PRICKLE1: variants seen among roughly 807,000 people sequenced by gnomAD.
PRICKLE1 encodes the protein prickle planar cell polarity protein 1.
A neutral mutation model predicts 70.2 loss-of-function variants in PRICKLE1; 14 were observed. The observed-to-expected ratio is 0.20, with a 90% confidence interval of 0.13 to 0.31. The LOEUF is 0.31. Among genes scored for constraint, PRICKLE1 ranks in the 10% least tolerant of loss-of-function variants. The pLI is 1.00. For missense variants in PRICKLE1, 821 were observed against 1,026.2 expected (o/e 0.80, Z 2.73); for synonymous variants, 357 against 379.9 (o/e 0.94, Z 0.70).
chr12:42,528,291 C>T lies in PRICKLE1; in HGVS notation c.-48-55727G>A, dbSNP rs368583441. On this transcript the variant is annotated intron_variant, in intron 1 of 7. Coordinates refer to ENST00000345127, the MANE Select transcript of PRICKLE1 (RefSeq NM_153026.3). ...GTTTCATCATGTTGCCCAGACTGCT[C>T]TCGAACTCCTGGGCTCAAGTGATCC... 1.4e-4 allele frequency among the ~76,000 whole-genome samples: 21 copies of T among 152,182 alleles called. No homozygotes were observed. In the South Asian group the frequency reaches 4.4e-3, roughly 32 times the overall value.
chr12:42,533,864 C>G (rs1288518176), intron 1 of PRICKLE1, among the ~76,000 whole-genome samples: 1 of 152,158 alleles, frequency 6.6e-6, no homozygotes, highest in African/African-American at 2.4e-5. Flanking sequence ...TCCCCTCCCA[C>G]ACAAAAACGC....
intron 1 of PRICKLE1, among the ~76,000 whole-genome samples, chr12:42,566,020 TG>T (rs1940615669): frequency 1.3e-5 from 2 of 152,172 alleles, no homozygotes; most frequent in African/African-American, 4.8e-5. Flanking sequence ...TGTGGCGAGA[TG>T]GTCAAAGGCC....
chr12:42,485,069 C>T (rs1465445746), intron 1 of PRICKLE1, among the ~76,000 whole-genome samples: 1 of 151,680 alleles, frequency 6.6e-6, no homozygotes, highest in Non-Finnish European at 1.5e-5. Context: ...CATCAGGATT[C>T]CTTGGGATTG....
chr12:42,543,878 C>T (rs1055222552), intron 1 of PRICKLE1, among the ~76,000 whole-genome samples: 1 of 152,140 alleles, frequency 6.6e-6, no homozygotes, highest in Admixed American at 6.5e-5. Flanking sequence ...TCACTGATAA[C>T]GTAGTTGATT....
At chr12:42,483,363 C>G (rs1377816833) in intron 1 of PRICKLE1, 1 of 149,094 alleles carries the variant, frequency 6.7e-6, no homozygotes, top group Non-Finnish European at 1.5e-5. Flanking sequence ...GGGACCCAGA[C>G]AGCGGCTCCC....
chr12:42,506,817 C>A (rs931250465), intron 1 of PRICKLE1, among the ~76,000 whole-genome samples: 1 of 152,026 alleles, frequency 6.6e-6, no homozygotes, highest in South Asian at 2.1e-4. Flanking sequence ...GTGATCTACC[C>A]GCCTCGACCT....
rs750904030 is a variant in PRICKLE1, at chr12:42,460,224, T to C, written c.2081A>G (p.Lys694Arg). 12 of 1,614,040 alleles carry C rather than the reference T, an allele frequency of 7.4e-6. No homozygotes were observed. The African/African-American group carries it at 1.6e-4, about 22-fold the overall frequency. ...CCGCAGTCTGTCCTTGGGAGAGTAT[T>C]TTCTTTCTGTAACAAGATTCAGGGC... The part of the protein sequence containing the change: ...DNALNLVTER[K>R]YSPKDRLRLY... The change falls in exon 8 of 8, where the codon AAA (lysine) becomes AGA (arginine). Residue 694 changes from lysine to arginine, a missense_variant. By Grantham distance (26) the Lys-to-Arg change is conservative (BLOSUM62 2). Transcript: ENST00000345127.
At chr12:42,560,151 T>TA (rs1940486789) in intron 1 of PRICKLE1, among the ~76,000 whole-genome samples, 2 of 143,496 alleles carry the variant, frequency 1.4e-5, no homozygotes, top group African/African-American at 2.6e-5. Flanking sequence ...TTATTATTAT[T>TA]TTTGAGGCAG....
intron 1 of PRICKLE1, among the ~76,000 whole-genome samples, chr12:42,501,379 G>T (rs529399646): frequency 6.6e-6 from 1 of 151,770 alleles, no homozygotes; most frequent in Non-Finnish European, 1.5e-5. Flanking sequence ...GCATGGAGGC[G>T]CGTGCCTGTA....
chr12:42,570,312 G>T (rs1940686564), intron 1 of PRICKLE1, among the ~76,000 whole-genome samples: 1 of 152,176 alleles, frequency 6.6e-6, no homozygotes, highest in East Asian at 1.9e-4. Context: ...AGCTGAACTG[G>T]TTTTAGATAA....
At position 42,483,211 on chromosome 12, in the gene PRICKLE1, C is replaced by G. The variant is rs991187189; in HGVS notation, c.-48-10647G>C. On this transcript the variant is annotated intron_variant, in intron 1 of 7. Transcript: ENST00000345127. ...GCCGTGTCACCTCCACGGAGCAGCA[C>G]TCGCCCTGCGGCTGGACGGTGGGGC... 3 of 152,548 alleles carry G rather than the reference C, an allele frequency of 2.0e-5. No individual in the cohort carries two copies. In the East Asian group the frequency reaches 5.8e-4, roughly 29 times the overall value. 9.4% of individuals were successfully genotyped at this position (152,548 alleles called of 1,614,324 possible).
At chr12:42,579,238 T>C (rs1244990049) in intron 1 of PRICKLE1, among the ~76,000 whole-genome samples, 14 of 152,222 alleles carry the variant, frequency 9.2e-5, no homozygotes, top group Non-Finnish European at 2.9e-5. Flanking sequence ...GGGATGCTGC[T>C]ATTTTTTACA....
chr12:42,589,675 T>C lies in PRICKLE1; in HGVS notation c.-259A>G, dbSNP rs1941048101. The stretch of plus-strand genomic sequence containing the variant: ...CAGCGCAGGCTGCGCGAGGCTGGCA[T>C]GTTCCGGGCGCGCTGTCGGGCGGCG... On this transcript the variant is annotated 5_prime_UTR_variant, in exon 1 of 8. An upstream start codon of the reference 5' UTR is lost. Transcript: ENST00000345127. The surrounding 1 kb of genome is among the most constrained non-coding windows in gnomAD (Gnocchi z 5.0). 1 of 151,704 alleles carries C rather than the reference T, an allele frequency of 6.6e-6. No individual in the cohort carries two copies. The highest frequency in any genetic ancestry group is 2.4e-5 in the African/African-American group (1 of 41,324). The allele number at this position is 151,704 out of a possible 1,614,324, so 9.4% of individuals were successfully genotyped here.
intron 1 of PRICKLE1, among the ~76,000 whole-genome samples, chr12:42,582,430 C>T (rs953505603): frequency 6.6e-6 from 1 of 152,200 alleles, no homozygotes; most frequent in Non-Finnish European, 1.5e-5. Flanking sequence ...TATTCTCTTA[C>T]AAGAAACATC....
At chr12:42,569,850 G>A (rs1463438483) in intron 1 of PRICKLE1, among the ~76,000 whole-genome samples, 1 of 152,206 alleles carries the variant, frequency 6.6e-6, no homozygotes, top group Non-Finnish European at 1.5e-5. Flanking sequence ...TTCTGCTCGG[G>A]ATGGTAAAGC....
At chr12:42,569,622 T>G (rs1345415258) in intron 1 of PRICKLE1, among the ~76,000 whole-genome samples, 2 of 152,240 alleles carry the variant, frequency 1.3e-5, no homozygotes, top group Admixed American at 1.3e-4. Context: ...GGAAATCGAT[T>G]GTACTGTTTC....
intron 1 of PRICKLE1, among the ~76,000 whole-genome samples, chr12:42,586,314 A>G (rs1176626483): frequency 6.6e-6 from 1 of 152,224 alleles, no homozygotes; most frequent in African/African-American, 2.4e-5. Flanking sequence ...CCAAGGGGGA[A>G]GAGTCTATCC....
In PRICKLE1 at chr12:42,578,743, T is replaced by TTTTATTTATTTATTTATTTATTTA. The variant is rs10699517; in HGVS notation, c.-49+10698_-49+10721dup. Among the ~76,000 whole-genome samples, 7 of 146,274 alleles carry TTTTATTTATTTATTTATTTATTTA rather than the reference T, an allele frequency of 4.8e-5. No homozygotes were observed. The East Asian group carries it at 6.0e-4, about 13-fold the overall frequency. ...CTGGCTACTATTTGTGTTTATTTCA[T>TTTTATTTATTTATTTATTTATTTA]TTTATTTATTTATTTATTTATTTAT... On this transcript the variant is annotated intron_variant, in intron 1 of 7. Transcript: ENST00000345127.
At chr12:42,545,101 T>G (rs1592016939) in intron 1 of PRICKLE1, among the ~76,000 whole-genome samples, 2 of 152,076 alleles carry the variant, frequency 1.3e-5, no homozygotes, top group Admixed American at 6.6e-5. Context: ...CCTCCTGGGC[T>G]CGAGTGATCC....
Sources: allele counts gnomAD v4.1 joint callset (sites outside exome capture counted in the v4.1 genomes callset), GRCh38; gene constraint gnomAD v4.1.1; non-coding constraint Gnocchi (gnomAD v3.1); transcripts MANE v1.5; gene names NCBI Gene and HGNC (gene_info 2026-07-23, HGNC 2026-07-21).